RNF32: variants seen among roughly 807,000 people sequenced by gnomAD.
RNF32 encodes the protein ring finger protein 32.
RNF32 carries 36 observed loss-of-function variants against 41.0 expected under a neutral mutation model. The ratio of observed to expected loss-of-function variants is 0.88; its 90% CI spans 0.67 to 1.16. The LOEUF (loss-of-function observed/expected upper bound fraction) is 1.16. Ranked by LOEUF, RNF32 falls within the 50% of genes most tolerant of loss-of-function variation. RNF32 has a pLI of 0.00. For missense variants in RNF32, 413 were observed against 436.7 expected, an observed-to-expected ratio of 0.95 and a Z score of 0.48; for synonymous variants, 154 against 160.9, an observed-to-expected ratio of 0.96 and a Z score of 0.32.
At chr7:156,653,054 G>T (rs1464228969) in intron 3 of RNF32, among the ~76,000 whole-genome samples, 1 of 151,794 alleles carries the variant, frequency 6.6e-6, no homozygotes, top group Non-Finnish European at 1.5e-5. Context: ...TGTCTACAGT[G>T]GTGTACAGTC....
At chr7:156,660,725 A>G (rs1336253576) in intron 7 of RNF32, among the ~76,000 whole-genome samples, 2 of 152,200 alleles carry the variant, frequency 1.3e-5, no homozygotes, top group Non-Finnish European at 2.9e-5. Flanking sequence ...AAACTCTGTA[A>G]AGTATTTTAA....
In RNF32 at chr7:156,648,211, G is replaced by A. The variant is rs75071834; in HGVS notation, c.274+3454G>A. Among the ~76,000 whole-genome samples the A allele has an allele frequency of 5.8e-3, 887 of 152,246 alleles. 5 individuals are homozygous for A. Among genetic ancestry groups the A allele is most frequent in the South Asian group, 0.012 (57 of 4,816 alleles). On this transcript the variant is annotated intron_variant, in intron 3 of 8. Coordinates refer to ENST00000317955, the MANE Select transcript of RNF32 (RefSeq NM_030936.4). The stretch of plus-strand genomic sequence containing the variant: ...GAAAATAGGTTTGGTTGAGGATGGC[G>A]TGTCTTGGCGCAGGTCAGATGGATC...
In RNF32 at chr7:156,677,058, T is replaced by C. The variant is rs1804196605; in HGVS notation, c.*403T>C. 1 of 162,646 alleles carries C rather than the reference T, an allele frequency of 6.1e-6. No homozygotes were observed. The highest frequency in any genetic ancestry group is 1.4e-5 in the Non-Finnish European group (1 of 73,944). The allele number at this position is 162,646 out of a possible 1,614,324, so 10.1% of individuals were successfully genotyped here. ...GCCTTTGCCATTCCTAATACTCGTT[T>C]TGTAATAATTGCTGTATTTCTGTGT... On this transcript the variant is annotated 3_prime_UTR_variant, in exon 9 of 9. Transcript: ENST00000317955.
Position 156,658,538 on chromosome 7 carries a change from G to A in RNF32, c.652G>A (p.Ala218Thr). ...NLRKTVPPTDAKLRKKFFEKK... is the reference protein window; with the variant it reads ...NLRKTVPPTDTKLRKKFFEKK... ...GAGGAAAACAGTACCTCCCACAGAT[G>A]CCAAGTTAAGAAAAAAATTCTTTGA... The change falls in exon 7 of 9, where the codon GCC becomes ACC. Residue 218 changes from alanine (A) to threonine (T), a missense_variant. Physicochemically the swap from Ala to Thr is moderately conservative, Grantham distance 58. Transcript: ENST00000317955. The A allele has an allele frequency of 1.2e-6, 2 of 1,613,052 alleles. No individual in the cohort carries two copies. The highest frequency in any genetic ancestry group is 4.5e-5 in the East Asian group (2 of 44,880).
intron 7 of RNF32, chr7:156,658,963 TATAAAA>T: frequency 1.3e-6 from 2 of 1,516,768 alleles, no homozygotes; most frequent in Non-Finnish European, 1.8e-6. Flanking sequence ...AGAAGCTGCC[TATAAAA>T]ATAAAGCCCC....
chr7:156,654,572 T>A lies in RNF32; in HGVS notation c.275-4T>A. 6.2e-7 allele frequency: 1 copy of A among 1,613,480 alleles called. No individual in the cohort carries two copies. The highest frequency in any genetic ancestry group is 8.5e-7 in the Non-Finnish European group (1 of 1,179,450). ...AACTCCTGTCCTGTGCTGTCTTACT[T>A]TAGCACAGAAGTTGGGCCTCATTGG... is the stretch of plus-strand genomic sequence containing the variant. On this transcript the variant is annotated splice_region_variant and splice_polypyrimidine_tract_variant and intron_variant, in intron 3 of 8. Transcript: ENST00000317955.
At chr7:156,659,138 G>C in intron 7 of RNF32, 1 of 1,334,960 alleles carries the variant, frequency 7.5e-7, no homozygotes, top group Non-Finnish European at 9.5e-7. Context: ...CATATGAAAA[G>C]GACAGTCCTA....
intron 7 of RNF32, among the ~76,000 whole-genome samples, chr7:156,662,281 G>A (rs547549086): frequency 6.6e-5 from 10 of 152,146 alleles, no homozygotes; most frequent in East Asian, 5.8e-4. Flanking sequence ...AACTCATTCT[G>A]TGAGCGATGG....
intron 7 of RNF32, 37 bp downstream of exon 7, chr7:156,658,607 C>T (rs1347673298): frequency 1.5e-6 from 2 of 1,372,844 alleles, no homozygotes; most frequent in Non-Finnish European, 2.1e-6. Flanking sequence ...GATATGGTCT[C>T]CGTGCGGGTG....
intron 7 of RNF32, chr7:156,659,390 G>C (rs946440539): frequency 1.0e-6 from 1 of 985,746 alleles, no homozygotes; most frequent in African/African-American, 1.7e-5. Flanking sequence ...GAGATCATTC[G>C]TCTCGGGTGT....
At chr7:156,651,610 A>G (rs749346757) in intron 3 of RNF32, among the ~76,000 whole-genome samples, 1 of 152,180 alleles carries the variant, frequency 6.6e-6, no homozygotes, top group Non-Finnish European at 1.5e-5. Context: ...GAGATTTAGC[A>G]TATTGTTTTC....
chr7:156,658,929 TG>T, intron 7 of RNF32: 1 of 1,538,050 alleles, frequency 6.5e-7, no homozygotes. Flanking sequence ...AGACATCTGC[TG>T]CACATCTCAT....
chr7:156,645,096 G>A (rs1009939861), intron 3 of RNF32, among the ~76,000 whole-genome samples: 2 of 152,062 alleles, frequency 1.3e-5, no homozygotes, highest in African/African-American at 2.4e-5. Context: ...GATAGTAGAC[G>A]GGGATAGAAA....
In RNF32 at chr7:156,654,701, T is replaced by C; in HGVS notation, c.400T>C (p.Phe134Leu). The C allele has an allele frequency of 2.5e-6, 4 of 1,614,020 alleles. No homozygotes were observed. Among genetic ancestry groups the C allele is most frequent in the Non-Finnish European group, 3.4e-6 (4 of 1,179,892 alleles). Reference protein sequence around the residue: ...VQPCPICKEEFELRPQVLLSC... With the variant: ...VQPCPICKEELELRPQVLLSC... ...ACCATGCCCCATCTGTAAAGAAGAA[T>C]TCGAGCTTCGTCCTCAGGTGTTTAG... is the stretch of plus-strand genomic sequence containing the variant. The change falls in exon 4 of 9, where the codon TTC becomes CTC. Residue 134 changes from phenylalanine (F) to leucine (L), a missense_variant. Transcript: ENST00000317955.
chr7:156,666,828 G>A (rs1423896603), intron 7 of RNF32, among the ~76,000 whole-genome samples: 1 of 152,132 alleles, frequency 6.6e-6, no homozygotes, highest in Non-Finnish European at 1.5e-5. Flanking sequence ...TAGAAACTCT[G>A]CTAGCATATG....
At chr7:156,666,884 T>G (rs1563091447) in intron 7 of RNF32, among the ~76,000 whole-genome samples, 1 of 152,212 alleles carries the variant, frequency 6.6e-6, no homozygotes, top group Non-Finnish European at 1.5e-5. Flanking sequence ...TTAAAACTTC[T>G]CAAGTGCATT....
chr7:156,649,550 GTTGT>G (rs1462636976), intron 3 of RNF32, among the ~76,000 whole-genome samples: 1 of 152,030 alleles, frequency 6.6e-6, no homozygotes, highest in African/African-American at 2.4e-5. Flanking sequence ...GTTGTTTTGT[GTTGT>G]TTGTTGGCCT....
chr7:156,656,397 A>G (rs1453039033), intron 4 of RNF32, among the ~76,000 whole-genome samples: 1 of 152,252 alleles, frequency 6.6e-6, no homozygotes, highest in Non-Finnish European at 1.5e-5. Context: ...TAGATAGAAT[A>G]TATGTTGATA....
chr7:156,645,802 T>C lies in RNF32; in HGVS notation c.274+1045T>C, dbSNP rs73741242. 8.5e-4 allele frequency among the ~76,000 whole-genome samples: 129 copies of C among 152,332 alleles called. 1 individual carries two copies. The highest frequency in any genetic ancestry group is 3.0e-3 in the African/African-American group (124 of 41,570). On this transcript the variant is annotated intron_variant, in intron 3 of 8. Transcript: ENST00000317955. ...ACCAAAACTTGCAACAAATCAGGAA[T>C]TTCAAAACAACATGAAATGTATCCC...
Sources: gnomAD v4.1 joint callset for allele counts (sites outside exome capture counted in the v4.1 genomes callset) on GRCh38, gnomAD v4.1.1 for gene constraint, MANE v1.5 for transcripts, NCBI Gene and HGNC (gene_info 2026-07-23, HGNC 2026-07-21) for gene names.